NOM1: variants seen among roughly 807,000 people sequenced by gnomAD.
The protein encoded by NOM1 is nucleolar protein with MIF4G domain 1.
NOM1 carries 58 observed loss-of-function variants against 73.3 expected under a neutral mutation model. That is an observed-to-expected ratio of 0.79 (90% CI 0.64 to 0.99). NOM1 has a LOEUF of 0.99. Ranked by LOEUF, NOM1 falls within the 50% of genes least tolerant of loss-of-function variation. The pLI, the probability that NOM1 is intolerant of heterozygous loss-of-function variation, is 0.00. For synonymous variants in NOM1, 487 were observed against 446.8 expected (o/e 1.09, Z -1.14); for missense variants, 1,226 against 1,131.9 (o/e 1.08, Z -1.19).
intron 3 of NOM1, among the ~76,000 whole-genome samples, chr7:156,956,066 G>A (rs993926733): frequency 2.6e-5 from 4 of 151,994 alleles, no homozygotes; most frequent in East Asian, 1.9e-4. Flanking sequence ...GGTGGCGGGC[G>A]CCTGAAGTCC....
chr7:156,949,793 T>TG lies in NOM1; in HGVS notation c.58dup (p.Val20GlyfsTer64). ...GGCCCGGGCGGCTCCCAGGGACGCG[T>TG]GGTCCGCATGAAGCGCAGAGGCGGG... On this transcript the variant is annotated frameshift_variant, in exon 1 of 11. Coordinates refer to ENST00000275820, the MANE Select transcript of NOM1 (RefSeq NM_138400.2). LOFTEE classifies it high-confidence loss of function. 1 of 1,413,360 alleles carries TG rather than the reference T, an allele frequency of 7.1e-7. No individual in the cohort carries two copies. The highest frequency in any genetic ancestry group is 9.2e-7 in the Non-Finnish European group (1 of 1,087,984). The allele number at this position is 1,413,360 out of a possible 1,614,324, so 87.6% of individuals were successfully genotyped here. A position where few individuals can be genotyped will look rare whatever the true frequency, so the allele number is the denominator to read the frequency against.
At chr7:156,955,404 G>A (rs779969762) in intron 3 of NOM1, among the ~76,000 whole-genome samples, 22 of 152,324 alleles carry the variant, frequency 1.4e-4, no homozygotes, top group Non-Finnish European at 1.5e-4. Flanking sequence ...GGAGGGTTGG[G>A]TCAGTGAGGC....
At chr7:156,954,079 C>T (rs372020851) in intron 2 of NOM1, 24 bp from the exon 3 acceptor site, 1 of 1,581,732 alleles carries the variant, frequency 6.3e-7, no homozygotes, top group Non-Finnish European at 8.6e-7. Flanking sequence ...CATTGTTGCT[C>T]TCTGTCTTTA....
chr7:156,968,405 C>T (rs373532826), intron 9 of NOM1, among the ~76,000 whole-genome samples: 10 of 152,144 alleles, frequency 6.6e-5, no homozygotes, highest in African/African-American at 2.2e-4. Flanking sequence ...TCGCCGCGTC[C>T]TCGGGTCCGC....
chr7:156,958,535 G>A (rs944659788), intron 3 of NOM1: 7 of 152,194 alleles, frequency 4.6e-5, no homozygotes, highest in African/African-American at 1.7e-4. Context: ...ATGATGACAC[G>A]GTAGTGTTGC....
intron 4 of NOM1, among the ~76,000 whole-genome samples, 174 bp from the exon 5 acceptor site, chr7:156,961,977 C>G (rs79017537): frequency 6.6e-6 from 1 of 151,994 alleles, no homozygotes; most frequent in Non-Finnish European, 1.5e-5. Context: ...ATTATGTAGC[C>G]CTGAGTAAGC....
chr7:156,950,177 C>T lies in NOM1; in HGVS notation c.440C>T (p.Ser147Phe), dbSNP rs762396940. The change falls in exon 1 of 11, where the codon TCC becomes TTC. Residue 147 changes from serine to phenylalanine, a missense_variant. Ser to Phe is a radical substitution (Grantham distance 155). Coordinates refer to ENST00000275820, the MANE Select transcript of NOM1 (RefSeq NM_138400.2). Reference sequence around the variant, plus strand: ...TCGCCTCCCAGGAAGCCGCGGCCGTCCCGGGTCAAGGCCAAGGCCACGGCC... The same window carrying T: ...TCGCCTCCCAGGAAGCCGCGGCCGTTCCGGGTCAAGGCCAAGGCCACGGCC... ...DPSPPRKPRP[S>F]RVKAKATAAT... The T allele has an allele frequency of 1.2e-6, 2 of 1,604,642 alleles. No individual in the cohort carries two copies. Among genetic ancestry groups the T allele is most frequent in the East Asian group, 2.2e-5 (1 of 44,644 alleles).
chr7:156,966,895 T>C (rs886907233), intron 8 of NOM1, 66 bp from the exon 9 acceptor site: 152 of 1,442,028 alleles, frequency 1.1e-4, no homozygotes, highest in Non-Finnish European at 1.3e-4. Flanking sequence ...TAGGTTATGT[T>C]GTTAGTGATA....
At chr7:156,957,796 A>AG (rs1563681014) in intron 3 of NOM1, among the ~76,000 whole-genome samples, 1 of 151,382 alleles carries the variant, frequency 6.6e-6, no homozygotes, top group South Asian at 2.1e-4. Flanking sequence ...AAAAAAAAAA[A>AG]AAAAGAAAAA....
chr7:156,954,927 G>A (rs917826315), intron 3 of NOM1, among the ~76,000 whole-genome samples: 2 of 152,200 alleles, frequency 1.3e-5, no homozygotes, highest in African/African-American at 4.8e-5. Flanking sequence ...CAGATGTTTG[G>A]AAGATAATGG....
At position 156,969,511 on chromosome 7, in the gene NOM1, T is replaced by G; in HGVS notation, c.2409-18T>G. The G allele has an allele frequency of 3.1e-6, 5 of 1,608,674 alleles. No individual in the cohort carries two copies. The highest frequency in any genetic ancestry group is 2.2e-5 in the East Asian group (1 of 44,806). On this transcript the variant is annotated intron_variant, in intron 10 of 10. Coordinates refer to ENST00000275820, the MANE Select transcript of NOM1 (RefSeq NM_138400.2). ...GGCCAGCTCAGCCCTGACATGTGTT[T>G]ATACGATTCCTTTCCAGAGTATCTG...
rs1174199236 is a variant in NOM1, at chr7:156,949,964, C to G, written c.227C>G (p.Pro76Arg). ...EGRGAPVSFRPGGRKSRKELR... is the reference protein window; with the variant it reads ...EGRGAPVSFRRGGRKSRKELR... ...CGCGGCGCCCCGGTGAGCTTTCGCCCGGGAGGGAGAAAAAGCCGTAAGGAA... is the reference window on the plus strand; with the variant it reads ...CGCGGCGCCCCGGTGAGCTTTCGCCGGGGAGGGAGAAAAAGCCGTAAGGAA... Residue 76 changes from proline (P) to arginine (R), a missense_variant, in exon 1 of 11, where the codon CCG (proline) becomes CGG (arginine). Physicochemically the swap from Pro to Arg is moderately radical, Grantham distance 103. Coordinates refer to ENST00000275820, the MANE Select transcript of NOM1 (RefSeq NM_138400.2). 14 of 1,540,770 alleles carry G rather than the reference C, an allele frequency of 9.1e-6. No individual in the cohort carries two copies. The highest frequency in any genetic ancestry group is 1.4e-5 in the African/African-American group (1 of 73,012).
chr7:156,970,323 G>C lies in NOM1; in HGVS notation c.*620G>C, dbSNP rs1189754271. On this transcript the variant is annotated 3_prime_UTR_variant, in exon 11 of 11. Transcript: ENST00000275820. ...AAAAAAAAATTAATAGATAAAACAG[G>C]CCACTAGAGGGTGCAGTTATAAAGA... 1 of 151,874 alleles carries C rather than the reference G, an allele frequency of 6.6e-6. No homozygotes were observed. Among genetic ancestry groups the C allele is most frequent in the African/African-American group, 2.4e-5 (1 of 41,340 alleles). 9.4% of individuals were successfully genotyped at this position (151,874 alleles called of 1,614,324 possible). A position where few individuals can be genotyped will look rare whatever the true frequency, so the allele number is the denominator to read the frequency against.
At chr7:156,952,736 G>T in intron 2 of NOM1, 138 bp downstream of exon 2, 1 of 796,618 alleles carries the variant, frequency 1.3e-6, no homozygotes. Flanking sequence ...TTGATGCACC[G>T]AGACCCATGA....
chr7:156,961,899 G>A (rs750375480), intron 4 of NOM1, among the ~76,000 whole-genome samples: 110 of 151,490 alleles, frequency 7.3e-4, no homozygotes, highest in Non-Finnish European at 1.3e-3. Context: ...GCGAGCAGAA[G>A]GGAAAAGAGA....
intron 2 of NOM1, 60 bp from the exon 3 acceptor site, chr7:156,954,043 T>C: frequency 6.8e-7 from 1 of 1,464,460 alleles, no homozygotes; most frequent in Non-Finnish European, 9.4e-7. Flanking sequence ...TTTTTTAAAA[T>C]TGAACTGAAA....
chr7:156,950,009 A>T lies in NOM1; in HGVS notation c.272A>T (p.His91Leu), dbSNP rs1804535720. The T allele has an allele frequency of 1.9e-6, 3 of 1,541,066 alleles. No individual in the cohort carries two copies. The East Asian group carries it at 7.3e-5, about 38-fold the overall frequency. The part of the protein sequence containing the change: ...SRKELRKEKR[H>L]LRKARRLQRT... ...AAGGAACTGAGGAAGGAGAAGCGGC[A>T]CCTGCGGAAAGCACGCCGGCTGCAG... is the stretch of plus-strand genomic sequence containing the variant. Residue 91 changes from histidine (H) to leucine (L), a missense_variant, in exon 1 of 11, where the codon CAC (histidine) becomes CTC (leucine). By Grantham distance (99) the His-to-Leu change is moderately conservative. Transcript: ENST00000275820.
rs1377896140 is a variant in NOM1, at chr7:156,971,956, T to A, written c.*2253T>A. On this transcript the variant is annotated 3_prime_UTR_variant, in exon 11 of 11. Coordinates refer to ENST00000275820, the MANE Select transcript of NOM1 (RefSeq NM_138400.2). ...GAGTGAATTAAGTGAAAATCTTCCC[T>A]TTGTTAAGGAGCTTTTTAACAAGAG... 1.3e-5 allele frequency: 2 copies of A among 152,234 alleles called. No homozygotes were observed. The highest frequency in any genetic ancestry group is 1.9e-4 in the East Asian group (1 of 5,198). 9.4% of individuals were successfully genotyped at this position (152,234 alleles called of 1,614,324 possible).
chr7:156,966,526 G>T, intron 8 of NOM1, 124 bp downstream of exon 8: 1 of 1,152,400 alleles, frequency 8.7e-7, no homozygotes, highest in Non-Finnish European at 1.2e-6. Context: ...CCGTCACCTG[G>T]TCCACGCTGG....
Sources: gnomAD v4.1 joint callset for allele counts (sites outside exome capture counted in the v4.1 genomes callset) on GRCh38, gnomAD v4.1.1 for gene constraint, MANE v1.5 for transcripts, NCBI Gene and HGNC (gene_info 2026-07-23, HGNC 2026-07-21) for gene names.